Variants in CDK14 observed in about 807,000 individuals in gnomAD.
The protein encoded by CDK14 is cyclin dependent kinase 14, also known as cyclin-dependent kinase 14.
A neutral mutation model predicts 60.7 loss-of-function variants in CDK14; 34 were observed. That is an observed-to-expected ratio of 0.56 (90% CI 0.43 to 0.75). The LOEUF is 0.75. Ranked by LOEUF, CDK14 falls within the 30% of genes least tolerant of loss-of-function variation. The probability of loss-of-function intolerance (pLI) is 0.00; values close to 1 mark genes in which losing one functional copy is unlikely to be tolerated. For missense variants in CDK14, 482 were observed against 564.1 expected (o/e 0.85, Z 1.47); for synonymous variants, 197 against 203.7 (o/e 0.97, Z 0.28).
intron 5 of CDK14, among the ~76,000 whole-genome samples, chr7:90,799,885 TG>T (rs1788574048): frequency 6.6e-6 from 1 of 151,866 alleles, no homozygotes; most frequent in African/African-American, 2.4e-5. Context: ...AGGGGGGACA[TG>T]GGAAAAAATT....
At chr7:91,155,218 T>C (rs749416223) in intron 14 of CDK14, among the ~76,000 whole-genome samples, 1 of 152,162 alleles carries the variant, frequency 6.6e-6, no homozygotes, top group Non-Finnish European at 1.5e-5. Context: ...TCTGAGAAGA[T>C]GCCATTGCAG....
intron 5 of CDK14, among the ~76,000 whole-genome samples, chr7:90,792,104 G>A (rs1459098390): frequency 6.6e-6 from 1 of 151,708 alleles, no homozygotes; most frequent in Admixed American, 6.6e-5. Context: ...GTTTCACCGT[G>A]TTGGCCAGGC....
chr7:90,739,443 A>C (rs1218322182), intron 3 of CDK14, among the ~76,000 whole-genome samples: 1 of 152,006 alleles, frequency 6.6e-6, no homozygotes, highest in Non-Finnish European at 1.5e-5. Context: ...TAATTTCCTC[A>C]GTTCAGTTTT....
intron 10 of CDK14, among the ~76,000 whole-genome samples, chr7:91,033,499 T>C (rs933472256): frequency 3.3e-5 from 5 of 152,216 alleles, no homozygotes; most frequent in African/African-American, 1.2e-4. Context: ...TTCAGTATGC[T>C]TGTAAACCAC....
chr7:91,139,261 G>T (rs1800372629), intron 14 of CDK14, among the ~76,000 whole-genome samples: 1 of 152,122 alleles, frequency 6.6e-6, no homozygotes, highest in Non-Finnish European at 1.5e-5. Flanking sequence ...TAGTAGACTG[G>T]AGAAAGTACT....
intron 5 of CDK14, among the ~76,000 whole-genome samples, chr7:90,841,659 T>TAC (rs57434660): frequency 0.023 from 3,143 of 139,350 alleles, 128 homozygotes; most frequent in East Asian, 0.17. Context: ...TATATATATG[T>TAC]ACACACACAC....
chr7:91,123,741 G>A (rs1401038097), intron 14 of CDK14, among the ~76,000 whole-genome samples: 2 of 151,570 alleles, frequency 1.3e-5, no homozygotes, highest in African/African-American at 4.9e-5. Context: ...CTTTTCTTTG[G>A]GTCAACTCTG....
chr7:90,813,955 C>T (rs1350479049), intron 5 of CDK14, among the ~76,000 whole-genome samples: 2 of 151,876 alleles, frequency 1.3e-5, no homozygotes, highest in Non-Finnish European at 2.9e-5. Flanking sequence ...ATTAAAATAC[C>T]GATTTATAGG....
At position 90,788,507 on chromosome 7, in the gene CDK14, G is replaced by A. The variant is rs773745326; in HGVS notation, c.465-2066G>A. On this transcript the variant is annotated intron_variant, in intron 4 of 14. Coordinates refer to ENST00000380050, the MANE Select transcript of CDK14 (RefSeq NM_001287135.2). ...AACAGAAAAGCAGCAGGCCTGTCCT[G>A]TCTGCTAAAGCAGAAGGAAAAAGAA... is the stretch of plus-strand genomic sequence containing the variant. Among the ~76,000 whole-genome samples, 13 of 152,162 alleles carry A rather than the reference G, an allele frequency of 8.5e-5. No individual in the cohort carries two copies. The South Asian group carries it at 1.0e-3, about 12-fold the overall frequency.
chr7:91,161,326 A>C (rs899453473), intron 14 of CDK14, among the ~76,000 whole-genome samples: 7 of 152,194 alleles, frequency 4.6e-5, no homozygotes, highest in Admixed American at 1.3e-4. Context: ...TGGGTTTCTT[A>C]GAGTGGGATG....
intron 8 of CDK14, among the ~76,000 whole-genome samples, chr7:90,932,950 T>C (rs1355418234): frequency 6.6e-6 from 1 of 152,190 alleles, no homozygotes; most frequent in Non-Finnish European, 1.5e-5. Flanking sequence ...AAGGGAGTCA[T>C]GGGAACCACC....
chr7:90,950,012 G>A (rs1584157545), intron 8 of CDK14, among the ~76,000 whole-genome samples: 1 of 152,206 alleles, frequency 6.6e-6, no homozygotes, highest in Non-Finnish European at 1.5e-5. Flanking sequence ...AGTAGATTGG[G>A]CATTTAAGTC....
intron 4 of CDK14, among the ~76,000 whole-genome samples, chr7:90,759,137 T>C (rs575253221): frequency 7.2e-5 from 11 of 152,174 alleles, no homozygotes; most frequent in Non-Finnish European, 1.3e-4. Flanking sequence ...GAGGATGATG[T>C]TGACTAAAGT....
intron 5 of CDK14, among the ~76,000 whole-genome samples, chr7:90,811,551 G>C (rs1583997042): frequency 6.6e-6 from 1 of 151,914 alleles, no homozygotes; most frequent in Non-Finnish European, 1.5e-5. Flanking sequence ...CAGGACATAG[G>C]CATGGGCAAG....
intron 12 of CDK14, among the ~76,000 whole-genome samples, chr7:91,091,224 T>C (rs1286208187): frequency 1.3e-5 from 2 of 149,744 alleles, no homozygotes; most frequent in Admixed American, 1.3e-4. Context: ...GACAAGACCC[T>C]ATCTGTAAAA....
Position 90,895,619 on chromosome 7 carries a change from G to A in CDK14, c.640-3672G>A, listed in dbSNP as rs376927791. ...TCTGTCTCCCAGGCTGGAGTGTAGT[G>A]GCTTGATCTTGACTCACTGCAACCT... On this transcript the variant is annotated intron_variant, in intron 6 of 14. Coordinates refer to ENST00000380050, the MANE Select transcript of CDK14 (RefSeq NM_001287135.2). Among the ~76,000 whole-genome samples the A allele has an allele frequency of 1.2e-3, 157 of 136,486 alleles. 6 individuals are homozygous for A. In the South Asian group the frequency reaches 0.041, roughly 36 times the overall value. 89.5% of individuals were successfully genotyped at this position (136,486 alleles called of 152,430 possible).
chr7:90,748,170 T>A (rs558187548), intron 4 of CDK14, among the ~76,000 whole-genome samples: 2 of 152,312 alleles, frequency 1.3e-5, no homozygotes, highest in South Asian at 4.1e-4. Context: ...TCTTTTTAAG[T>A]TAAGCTTTTA....
At chr7:90,810,578 CT>C (rs991609426) in intron 5 of CDK14, among the ~76,000 whole-genome samples, 1 of 152,222 alleles carries the variant, frequency 6.6e-6, no homozygotes, top group Non-Finnish European at 1.5e-5. Flanking sequence ...GGGATGCCCT[CT>C]CTCACCACTC....
At chr7:90,637,071 C>T (rs1393086392) in intron 2 of CDK14, among the ~76,000 whole-genome samples, 2 of 151,932 alleles carry the variant, frequency 1.3e-5, no homozygotes, top group African/African-American at 4.8e-5. Context: ...TTTGTTGATC[C>T]TTTCAAAAAA....
Sources: allele counts gnomAD v4.1 joint callset (sites outside exome capture counted in the v4.1 genomes callset), GRCh38; gene constraint gnomAD v4.1.1; transcripts MANE v1.5; gene names NCBI Gene and HGNC (gene_info 2026-07-23, HGNC 2026-07-21).